Variants in STRN observed in about 807,000 individuals in gnomAD.
STRN encodes striatin.
A neutral mutation model predicts 96.3 loss-of-function variants in STRN; 53 were observed. The observed-to-expected ratio is 0.55, with a 90% CI of 0.44 to 0.69. The LOEUF is 0.69. Ranked by LOEUF, STRN falls within the 30% of genes least tolerant of loss-of-function variation. STRN has a pLI of 0.00. For missense variants in STRN, 987 were observed against 963.9 expected (o/e 1.02, Z -0.32); for synonymous variants, 428 against 355.9 (o/e 1.20, Z -2.28).
chr2:36,951,397 C>T (rs1467576892), intron 1 of STRN, among the ~76,000 whole-genome samples: 1 of 152,210 alleles, frequency 6.6e-6, no homozygotes, highest in Admixed American at 6.5e-5. Flanking sequence ...AATGCAGACA[C>T]TATTTGCTGC....
At chr2:36,924,225 G>A (rs1670347319) in intron 2 of STRN, among the ~76,000 whole-genome samples, 1 of 151,784 alleles carries the variant, frequency 6.6e-6, no homozygotes, top group African/African-American at 2.4e-5. Flanking sequence ...GCGTGGTGGC[G>A]GGCACCTGTA....
Position 36,845,338 on chromosome 2 carries a change from G to T in STRN, c.*4118C>A, listed in dbSNP as rs908236390. 4 of 152,050 alleles carry T rather than the reference G, an allele frequency of 2.6e-5. No individual in the cohort carries two copies. The highest frequency in any genetic ancestry group is 5.9e-5 in the Non-Finnish European group (4 of 67,996). The allele number at this position is 152,050 out of a possible 1,614,324, so 9.4% of individuals were successfully genotyped here. A position where few individuals can be genotyped will look rare whatever the true frequency, so the allele number is the denominator to read the frequency against. ...CAATATAACTTAAATGACAAAGCCTGAGAAAAGCACCAACATAGATTTTTT... is the reference window on the plus strand; with the variant it reads ...CAATATAACTTAAATGACAAAGCCTTAGAAAAGCACCAACATAGATTTTTT... On this transcript the variant is annotated 3_prime_UTR_variant, in exon 18 of 18. Transcript: ENST00000263918.
At chr2:36,900,820 G>C (rs1669662079) in intron 5 of STRN, among the ~76,000 whole-genome samples, 1 of 152,040 alleles carries the variant, frequency 6.6e-6, no homozygotes, top group African/African-American at 2.4e-5. Flanking sequence ...TTGAACCCGG[G>C]AGGCAGAGGT....
intron 3 of STRN, among the ~76,000 whole-genome samples, chr2:36,906,497 CAAAT>C (rs1015110383): frequency 2.2e-5 from 2 of 91,498 alleles, no homozygotes; most frequent in African/African-American, 3.8e-5. Context: ...GAATGAGTAA[CAAAT>C]AAATAATTTT....
intron 1 of STRN, among the ~76,000 whole-genome samples, chr2:36,941,979 C>G (rs1261608149): frequency 1.3e-5 from 2 of 152,168 alleles, no homozygotes; most frequent in Non-Finnish European, 1.5e-5. Flanking sequence ...TCCCAAGCCC[C>G]TTCTAACTTG....
chr2:36,946,805 A>G (rs1670996974), intron 1 of STRN, among the ~76,000 whole-genome samples: 1 of 152,118 alleles, frequency 6.6e-6, no homozygotes, highest in African/African-American at 2.4e-5. Flanking sequence ...AAGAACTAAA[A>G]CTGTTTCTTT....
At chr2:36,888,293 C>T (rs886083265) in intron 7 of STRN, among the ~76,000 whole-genome samples, 3 of 152,176 alleles carry the variant, frequency 2.0e-5, no homozygotes, top group African/African-American at 4.8e-5. Context: ...AGTCTATTCT[C>T]AATGTAGCAG....
intron 5 of STRN, among the ~76,000 whole-genome samples, chr2:36,900,946 A>G (rs903107717): frequency 9.2e-5 from 14 of 151,982 alleles, no homozygotes; most frequent in African/African-American, 2.9e-4. Context: ...AATGGCCAGA[A>G]CAGAAAGATT....
rs1572648415 is a variant in STRN at position 36,886,594 on chromosome 2, G to A, written c.1042+122C>T. On this transcript the variant is annotated intron_variant, in intron 8 of 17. Transcript: ENST00000263918. ...TTCAACCCCTGAGAGCAGGTGAAAA[G>A]GAAAGAGGTCAGGAGCAGAAATGAA... 17 of 717,160 alleles carry A rather than the reference G, an allele frequency of 2.4e-5. No homozygotes were observed. In the East Asian group the frequency reaches 4.1e-4, roughly 17 times the overall value. The allele number at this position is 717,160 out of a possible 1,614,324, so 44.4% of individuals were successfully genotyped here.
intron 8 of STRN, among the ~76,000 whole-genome samples, chr2:36,885,180 C>T (rs1201009868): frequency 2.6e-5 from 4 of 152,138 alleles, no homozygotes; most frequent in Non-Finnish European, 5.9e-5. Flanking sequence ...ATTCCAACTA[C>T]AGCAATGCCT....
intron 2 of STRN, among the ~76,000 whole-genome samples, chr2:36,921,912 A>T (rs1311785239): frequency 6.6e-6 from 1 of 152,160 alleles, no homozygotes; most frequent in East Asian, 1.9e-4. Flanking sequence ...TGGATCCTGG[A>T]CCAGGAAAAA....
Position 36,886,838 on chromosome 2 carries a change from G to A in STRN, c.932-12C>T, listed in dbSNP as rs771325019. ...CTGGTCTTCCTTTTCTAAACAGAGTGAAACAAATGAAACAGCCTTTTTCAA... is the reference window on the plus strand; with the variant it reads ...CTGGTCTTCCTTTTCTAAACAGAGTAAAACAAATGAAACAGCCTTTTTCAA... On this transcript the variant is annotated splice_polypyrimidine_tract_variant and intron_variant, in intron 7 of 17. Transcript: ENST00000263918. 1.3e-5 allele frequency: 20 copies of A among 1,590,000 alleles called. No homozygotes were observed. Among genetic ancestry groups the A allele is most frequent in the Admixed American group, 5.2e-5 (3 of 57,758 alleles).
intron 13 of STRN, among the ~76,000 whole-genome samples, chr2:36,859,921 T>C (rs554615872): frequency 1.3e-5 from 2 of 152,324 alleles, no homozygotes; most frequent in East Asian, 3.9e-4. Flanking sequence ...AGCCAGAATG[T>C]AGACAGATGA....
chr2:36,843,189 A>G lies in STRN; in HGVS notation c.*6267T>C, dbSNP rs748312323. 1.3e-5 allele frequency among the ~76,000 whole-genome samples: 2 copies of G among 152,202 alleles called. No individual in the cohort carries two copies. Among genetic ancestry groups the G allele is most frequent in the African/African-American group, 2.4e-5 (1 of 41,460 alleles). ...AAAATGTGTGTACATACCAAAGGAT[A>G]TAATACTCATTAGTATACCAGCATA... On this transcript the variant is annotated 3_prime_UTR_variant, in exon 18 of 18. Coordinates refer to ENST00000263918, the MANE Select transcript of STRN (RefSeq NM_003162.4).
At position 36,950,121 on chromosome 2, in the gene STRN, AAGG is replaced by A. The variant is rs1160799907; in HGVS notation, c.234+16106_234+16108del. Among the ~76,000 whole-genome samples the A allele has an allele frequency of 2.6e-5, 4 of 152,118 alleles. No individual in the cohort carries two copies. In the South Asian group the frequency reaches 6.2e-4, roughly 24 times the overall value. ...GTTCAGAGAAATTCAGAGTAAAATG[AAGG>A]AGAATGAGGGACAGGATGGCAATAC... On this transcript the variant is annotated intron_variant, in intron 1 of 17. Transcript: ENST00000263918.
chr2:36,871,806 T>G (rs1668768652), intron 10 of STRN, among the ~76,000 whole-genome samples: 1 of 152,186 alleles, frequency 6.6e-6, no homozygotes, highest in Non-Finnish European at 1.5e-5. Flanking sequence ...CAAAGAACCC[T>G]GCTAGTAAGT....
intron 2 of STRN, among the ~76,000 whole-genome samples, chr2:36,921,776 GT>G (rs1292276526): frequency 3.3e-5 from 5 of 152,018 alleles, no homozygotes; most frequent in African/African-American, 1.2e-4. Context: ...TTCTGCCTGT[GT>G]TTAGAGATCT....
intron 2 of STRN, among the ~76,000 whole-genome samples, chr2:36,920,983 G>A (rs1278013810): frequency 2.0e-5 from 3 of 151,792 alleles, no homozygotes; most frequent in Non-Finnish European, 2.9e-5. Flanking sequence ...ACTGAGGCAA[G>A]AGAATGGCTT....
chr2:36,895,691 C>G (rs1669522310), intron 6 of STRN, among the ~76,000 whole-genome samples: 1 of 150,266 alleles, frequency 6.7e-6, no homozygotes, highest in African/African-American at 2.5e-5. Context: ...ATGGGTGGAT[C>G]ACGAGGTCAG....
Sources: allele counts gnomAD v4.1 joint callset (sites outside exome capture counted in the v4.1 genomes callset), GRCh38; gene constraint gnomAD v4.1.1; transcripts MANE v1.5; gene names NCBI Gene and HGNC (gene_info 2026-07-23, HGNC 2026-07-21).